Variants in SMOC2 observed in about 807,000 individuals in gnomAD.
SMOC2 encodes the protein SPARC related modular calcium binding 2, also known as SPARC-related modular calcium-binding protein 2.
In SMOC2, 39 loss-of-function variants were observed where a neutral mutation model predicts 61.4. That is an observed-to-expected ratio of 0.64 (90% CI 0.49 to 0.83). SMOC2 has a LOEUF of 0.83. Ranked by LOEUF, SMOC2 falls within the 40% of genes least tolerant of loss-of-function variation. SMOC2 has a pLI of 0.00. For synonymous variants in SMOC2, 247 were observed against 239.9 expected (o/e 1.03, Z -0.27); for missense variants, 556 against 592.9 (o/e 0.94, Z 0.65).
At chr6:168,496,649 C>G (rs1782597609) in intron 1 of SMOC2, among the ~76,000 whole-genome samples, 1 of 152,164 alleles carries the variant, frequency 6.6e-6, no homozygotes. Context: ...GGGGCTGCGG[C>G]CTGAGAGGTG....
At chr6:168,525,648 T>C (rs1783436642) in intron 2 of SMOC2, among the ~76,000 whole-genome samples, 2 of 152,162 alleles carry the variant, frequency 1.3e-5, no homozygotes, top group Admixed American at 1.3e-4. Context: ...AGGTGGGATG[T>C]GGAGCCTCTG....
intron 2 of SMOC2, among the ~76,000 whole-genome samples, chr6:168,521,188 ACCC>A (rs1783320470): frequency 1.3e-5 from 2 of 152,044 alleles, no homozygotes; most frequent in Non-Finnish European, 2.9e-5. Context: ...TTGCTCTGTC[ACCC>A]AGGCTGGAGT....
Position 168,602,588 on chromosome 6 carries a change from C to T in SMOC2, c.824+3584C>T, listed in dbSNP as rs76365451. On this transcript the variant is annotated intron_variant, in intron 8 of 12. Transcript: ENST00000356284. ...GGACCTGTTGTGGTTCCTTTTTCAG[C>T]ACCCAGGGCAGGACTAGGATTAGCC... 3.5e-4 allele frequency among the ~76,000 whole-genome samples: 54 copies of T among 152,304 alleles called. No individual in the cohort carries two copies. In the East Asian group the frequency reaches 9.9e-3, roughly 28 times the overall value.
chr6:168,643,414 CA>C (rs1292527680), intron 9 of SMOC2, among the ~76,000 whole-genome samples: 6 of 152,190 alleles, frequency 3.9e-5, no homozygotes, highest in African/African-American at 1.4e-4. Flanking sequence ...CCCCACTCGA[CA>C]CACCCTGGTA....
chr6:168,646,685 G>C (rs1327064474), intron 9 of SMOC2, among the ~76,000 whole-genome samples: 1 of 152,174 alleles, frequency 6.6e-6, no homozygotes, highest in Non-Finnish European at 1.5e-5. Context: ...CTGGTCCATA[G>C]GCTGGGGTCT....
At chr6:168,543,974 C>T (rs577869216) in intron 5 of SMOC2, among the ~76,000 whole-genome samples, 2 of 152,200 alleles carry the variant, frequency 1.3e-5, no homozygotes, top group Admixed American at 6.5e-5. Flanking sequence ...GGCTGAGGCT[C>T]AGTATTTTGG....
At chr6:168,648,287 T>C (rs1787097690) in intron 9 of SMOC2, among the ~76,000 whole-genome samples, 1 of 152,250 alleles carries the variant, frequency 6.6e-6, no homozygotes, top group Non-Finnish European at 1.5e-5. Flanking sequence ...CCCGAGGTCC[T>C]GTGGGTCCCA....
intron 2 of SMOC2, among the ~76,000 whole-genome samples, chr6:168,518,678 G>C (rs1783218953): frequency 7.3e-6 from 1 of 137,710 alleles, no homozygotes; most frequent in Admixed American, 7.2e-5. Flanking sequence ...GAGTGTGCTT[G>C]TGTGTGAATG....
rs550306240 is a variant in SMOC2, at chr6:168,497,352, C to T, written c.85-12563C>T. Among the ~76,000 whole-genome samples, 13 of 152,372 alleles carry T rather than the reference C, an allele frequency of 8.5e-5. 1 individual carries two copies. The highest frequency in any genetic ancestry group is 6.2e-4 in the South Asian group (3 of 4,830). ...CTGACAACATCCCTTCCCAAAGGGACGGCCTCTGCACCTGCCCCCAGGCGT... is the reference window on the plus strand; with the variant it reads ...CTGACAACATCCCTTCCCAAAGGGATGGCCTCTGCACCTGCCCCCAGGCGT... On this transcript the variant is annotated intron_variant, in intron 1 of 12. Coordinates refer to ENST00000356284, the MANE Select transcript of SMOC2 (RefSeq NM_001166412.2).
At chr6:168,541,251 G>A (rs1783871659) in intron 4 of SMOC2, among the ~76,000 whole-genome samples, 2 of 152,190 alleles carry the variant, frequency 1.3e-5, no homozygotes, top group South Asian at 4.1e-4. Flanking sequence ...TGGAATCCAA[G>A]GCTGAGGGGG....
rs73789163 is a variant in SMOC2 at position 168,653,208 on chromosome 6, C to T, written c.1265C>T (p.Ala422Val). The T allele has an allele frequency of 1.0e-3, 1,644 of 1,613,434 alleles. 15 individuals are homozygous for T. The African/African-American group carries it at 0.018, about 18-fold the overall frequency. The change falls in exon 11 of 13, where the codon GCG becomes GTG. Residue 422 changes from alanine to valine, a missense_variant. Physicochemically the swap from Ala to Val is moderately conservative, Grantham distance 64. Coordinates refer to ENST00000356284, the MANE Select transcript of SMOC2 (RefSeq NM_001166412.2). ...GGCGTGGCGAAAGAGGACGGCAAAG[C>T]GGACACCAAGAAACGCCACAGTAAG... is the stretch of plus-strand genomic sequence containing the variant. Reference protein sequence around the residue: ...CLGVAKEDGKADTKKRHTPRG... With the variant: ...CLGVAKEDGKVDTKKRHTPRG...
chr6:168,467,136 AACACACACACAC>A (rs10536582), intron 1 of SMOC2, among the ~76,000 whole-genome samples: 450 of 133,422 alleles, frequency 3.4e-3, no homozygotes, highest in Non-Finnish European at 3.1e-3. Flanking sequence ...AGTGCTCTCA[AACACACACACAC>A]ACACACACAC....
At position 168,547,495 on chromosome 6, in the gene SMOC2, G is replaced by A. The variant is rs114532709; in HGVS notation, c.562+326G>A. Among the ~76,000 whole-genome samples the A allele has an allele frequency of 6.2e-3, 942 of 152,116 alleles. 10 individuals carry two copies. The highest frequency in any genetic ancestry group is 0.021 in the African/African-American group (866 of 41,476). On this transcript the variant is annotated intron_variant, in intron 6 of 12. Transcript: ENST00000356284. ...GTGGGATGGACAAGTCCACACATCC[G>A]GCGTACAGCACGAGGAATCTAGTTA...
chr6:168,474,709 C>A (rs1023338352), intron 1 of SMOC2, among the ~76,000 whole-genome samples: 1 of 152,086 alleles, frequency 6.6e-6, no homozygotes, highest in Non-Finnish European at 1.5e-5. Context: ...CCAGGGGCAT[C>A]GTTGATACAC....
At chr6:168,640,151 C>T (rs1024179073) in intron 9 of SMOC2, among the ~76,000 whole-genome samples, 2 of 150,546 alleles carry the variant, frequency 1.3e-5, no homozygotes, top group Non-Finnish European at 2.9e-5. Context: ...TCCAGGTCCT[C>T]GTGGATATCA....
intron 9 of SMOC2, among the ~76,000 whole-genome samples, chr6:168,644,644 C>CTTT (rs34203137): frequency 1.6e-3 from 163 of 99,456 alleles, no homozygotes; most frequent in Admixed American, 2.6e-3. Context: ...GAATGCCTTT[C>CTTT]TTTTTTTTTT....
At chr6:168,496,713 C>T (rs553235692) in intron 1 of SMOC2, among the ~76,000 whole-genome samples, 41 of 152,246 alleles carry the variant, frequency 2.7e-4, no homozygotes, top group Admixed American at 2.0e-3. Flanking sequence ...TGGGGCCTCC[C>T]GAGCCCTTCC....
At chr6:168,635,310 C>T (rs1786685878) in intron 9 of SMOC2, among the ~76,000 whole-genome samples, 1 of 152,212 alleles carries the variant, frequency 6.6e-6, no homozygotes, top group African/African-American at 2.4e-5. Flanking sequence ...TTAACATGTA[C>T]TAAGCTGGTG....
At chr6:168,460,099 G>T (rs905838102) in intron 1 of SMOC2, among the ~76,000 whole-genome samples, 2 of 152,098 alleles carry the variant, frequency 1.3e-5, no homozygotes, top group African/African-American at 2.4e-5. Flanking sequence ...TGCTTTGATT[G>T]ACTGATACCC....
Sources: gnomAD v4.1 joint callset for allele counts (sites outside exome capture counted in the v4.1 genomes callset) on GRCh38, gnomAD v4.1.1 for gene constraint, MANE v1.5 for transcripts, NCBI Gene and HGNC (gene_info 2026-07-23, HGNC 2026-07-21) for gene names.